The following AKT2 variants were observed in gnomAD, a reference collection of about 807,000 sequenced individuals.
AKT2 encodes AKT serine/threonine kinase 2.
Under a neutral mutation model 58.6 loss-of-function variants are expected in AKT2, and 16 were observed. That is an observed-to-expected ratio of 0.27 (90% CI 0.18 to 0.41). AKT2 has a LOEUF of 0.41. Ranked by LOEUF, AKT2 falls within the 10% of genes least tolerant of loss-of-function variation. The pLI, the probability that AKT2 is intolerant of heterozygous loss-of-function variation, is 1.00. For missense variants in AKT2, 438 were observed against 661.0 expected (o/e 0.66, Z 3.70); for synonymous variants, 253 against 254.0 (o/e 1.00, Z 0.04).
chr19:40,235,453 C>T lies in AKT2; in HGVS notation c.1176-103G>A. On this transcript the variant is annotated intron_variant, in intron 11 of 13. Transcript: ENST00000392038. This position sits in a 1 kb window ranked among gnomAD's most constrained non-coding sequence, Gnocchi z 6.3. ...CCTGTATGGCCCTTAATGATTCTGT[C>T]TTGACCACAAACCACTTCACAGAGG... 9.6e-7 allele frequency: 1 copy of T among 1,040,312 alleles called. No homozygotes were observed. Among genetic ancestry groups the T allele is most frequent in the African/African-American group, 1.6e-5 (1 of 63,818 alleles). 64.4% of individuals were successfully genotyped at this position (1,040,312 alleles called of 1,614,324 possible). A position where few individuals can be genotyped will look rare whatever the true frequency, so the allele number is the denominator to read the frequency against.
intron 1 of AKT2, among the ~76,000 whole-genome samples, chr19:40,275,774 G>GA (rs1417542425): frequency 1.1e-5 from 1 of 95,008 alleles, no homozygotes; most frequent in Non-Finnish European, 2.3e-5. Flanking sequence ...TGGGGGGGGG[G>GA]GGGGTGGGCG....
rs576140116 is a variant in AKT2, at chr19:40,263,429, A to G, written c.46+1793T>C. The stretch of plus-strand genomic sequence containing the variant: ...TGCCTACCCTTGTAGAGCTGACAAC[A>G]TCAGAGATCTGGCTTGTTAACCCAC... On this transcript the variant is annotated intron_variant, in intron 2 of 13. Transcript: ENST00000392038. Among the ~76,000 whole-genome samples the G allele has an allele frequency of 2.0e-5, 3 of 152,332 alleles. No individual in the cohort carries two copies. In the East Asian group the frequency reaches 5.8e-4, roughly 29 times the overall value.
intron 3 of AKT2, among the ~76,000 whole-genome samples, chr19:40,256,488 C>T (rs954129149): frequency 7.2e-5 from 11 of 152,204 alleles, no homozygotes; most frequent in Non-Finnish European, 1.0e-4. Flanking sequence ...GGCTGGAAGA[C>T]ATCCCTTTGG....
Position 40,242,485 on chromosome 19 carries a change from G to A in AKT2, c.441+49C>T. The A allele has an allele frequency of 6.2e-7, 1 of 1,610,054 alleles. No homozygotes were observed. Among genetic ancestry groups the A allele is most frequent in the Non-Finnish European group, 8.5e-7 (1 of 1,179,038 alleles). On this transcript the variant is annotated intron_variant, in intron 5 of 13. Coordinates refer to ENST00000392038, the MANE Select transcript of AKT2 (RefSeq NM_001626.6). This position sits in a 1 kb window ranked among gnomAD's most constrained non-coding sequence, Gnocchi z 4.3. ...CCAAGGAGAGCAGGCCAGCACTGGGGGTGGGGGCACCGCAGGCTGGCAGCC... is the reference window on the plus strand; with the variant it reads ...CCAAGGAGAGCAGGCCAGCACTGGGAGTGGGGGCACCGCAGGCTGGCAGCC...
At chr19:40,246,356 C>A (rs1974752779) in intron 4 of AKT2, among the ~76,000 whole-genome samples, 2 of 152,164 alleles carry the variant, frequency 1.3e-5, no homozygotes, top group Non-Finnish European at 2.9e-5. Context: ...GATCTCTTGA[C>A]CTCATGATCT....
rs1159220811 is a variant in AKT2, at chr19:40,234,352, A to G, written c.1367-401T>C. ...TTTAACCCTGTCCCTCTCTGTATGAAACCCTTCCATGGCTGGCTCCCGCCA... is the reference window on the plus strand; with the variant it reads ...TTTAACCCTGTCCCTCTCTGTATGAGACCCTTCCATGGCTGGCTCCCGCCA... On this transcript the variant is annotated intron_variant, in intron 13 of 13. Transcript: ENST00000392038. The surrounding 1 kb of genome is among the most constrained non-coding windows in gnomAD (Gnocchi z 4.7). The G allele has an allele frequency of 2.4e-5, 6 of 250,032 alleles. No homozygotes were observed. The highest frequency in any genetic ancestry group is 3.9e-5 in the Non-Finnish European group (5 of 129,330). 15.5% of individuals were successfully genotyped at this position (250,032 alleles called of 1,614,324 possible).
chr19:40,254,701 C>T (rs541971894), intron 4 of AKT2, among the ~76,000 whole-genome samples: 409 of 143,046 alleles, frequency 2.9e-3, no homozygotes, highest in Non-Finnish European at 4.6e-3. Context: ...TGGTGGCACA[C>T]GCCTGTAATC....
In AKT2 at chr19:40,248,532, T is replaced by C. The variant is rs181973739; in HGVS notation, c.288-5845A>G. ...GGACCTGAACAATGGCCATCCCCAG[T>C]GCCTAGAACAGGCCCTTGGCACACA... is the stretch of plus-strand genomic sequence containing the variant. On this transcript the variant is annotated intron_variant, in intron 4 of 13. Transcript: ENST00000392038. Among the ~76,000 whole-genome samples, 26 of 152,316 alleles carry C rather than the reference T, an allele frequency of 1.7e-4. No individual in the cohort carries two copies. The East Asian group carries it at 4.1e-3, about 24-fold the overall frequency.
chr19:40,269,671 CA>C (rs1333947852), intron 1 of AKT2: 1 of 152,194 alleles, frequency 6.6e-6, no homozygotes, highest in African/African-American at 2.4e-5. Context: ...ACAGTAACCC[CA>C]AACTGGTAAC....
chr19:40,259,689 T>C (rs1180448103), intron 2 of AKT2, among the ~76,000 whole-genome samples: 2 of 152,206 alleles, frequency 1.3e-5, no homozygotes, highest in African/African-American at 2.4e-5. Context: ...TAAGGGTCTA[T>C]TAACCAGAAC....
At position 40,231,325 on chromosome 19, in the gene AKT2, G is replaced by A. The variant is rs565284669; in HGVS notation, c.*2547C>T. The stretch of plus-strand genomic sequence containing the variant: ...GAGGAGCAGCAACGTGGGTCAACTC[G>A]GGGCTGGGACGAGATGGAAGAGTAA... On this transcript the variant is annotated 3_prime_UTR_variant, in exon 14 of 14. Transcript: ENST00000392038. 2 of 232,744 alleles carry A rather than the reference G, an allele frequency of 8.6e-6. No individual in the cohort carries two copies. Among genetic ancestry groups the A allele is most frequent in the East Asian group, 6.1e-5 (1 of 16,496 alleles). The allele number at this position is 232,744 out of a possible 1,614,324, so 14.4% of individuals were successfully genotyped here.
intron 7 of AKT2, 94 bp from the exon 8 acceptor site, chr19:40,239,067 A>T (rs562129839): frequency 4.5e-6 from 6 of 1,331,458 alleles, no homozygotes; most frequent in South Asian, 3.8e-5. Flanking sequence ...TATTCTGCAC[A>T]CACACACCCT....
At chr19:40,245,082 G>A (rs1420933985) in intron 4 of AKT2, among the ~76,000 whole-genome samples, 4 of 152,196 alleles carry the variant, frequency 2.6e-5, no homozygotes, top group Admixed American at 6.5e-5. Flanking sequence ...CAATGACAGC[G>A]CCTTCGATTT....
At chr19:40,265,590 C>G (rs763594008) in intron 1 of AKT2, 25 of 492,968 alleles carry the variant, frequency 5.1e-5, no homozygotes, top group Non-Finnish European at 8.4e-5. Context: ...CAGGCCAGAC[C>G]CCAAACTCAG....
In AKT2 at chr19:40,230,868, T is replaced by G. The variant is rs1208679809; in HGVS notation, c.*3004A>C. 5.3e-6 allele frequency: 1 copy of G among 187,290 alleles called. No individual in the cohort carries two copies. Among genetic ancestry groups the G allele is most frequent in the East Asian group, 8.5e-5 (1 of 11,746 alleles). The allele number at this position is 187,290 out of a possible 1,614,324, so 11.6% of individuals were successfully genotyped here. A position where few individuals can be genotyped will look rare whatever the true frequency, so the allele number is the denominator to read the frequency against. On this transcript the variant is annotated 3_prime_UTR_variant, in exon 14 of 14. Coordinates refer to ENST00000392038, the MANE Select transcript of AKT2 (RefSeq NM_001626.6). ...TCCAAGTTAGCTGGGATTGCAGGCATGCACCACCATGCCCAGCTAATTTTT... is the reference window on the plus strand; with the variant it reads ...TCCAAGTTAGCTGGGATTGCAGGCAGGCACCACCATGCCCAGCTAATTTTT...
intron 7 of AKT2, chr19:40,239,376 C>CA (rs1974239459): frequency 4.2e-6 from 1 of 240,938 alleles, no homozygotes; most frequent in Non-Finnish European, 8.2e-6. Flanking sequence ...TGTCAGTCAA[C>CA]AAACAGTAGT....
chr19:40,232,655 C>T lies in AKT2; in HGVS notation c.*1217G>A. On this transcript the variant is annotated 3_prime_UTR_variant, in exon 14 of 14. Coordinates refer to ENST00000392038, the MANE Select transcript of AKT2 (RefSeq NM_001626.6). ...CACCCCTCCCCCACAGGATGAAATG[C>T]TCGGGCCAGGGATGGGGCCCAAGCC... The T allele has an allele frequency of 4.3e-6, 1 of 233,460 alleles. No individual in the cohort carries two copies. Among genetic ancestry groups the T allele is most frequent in the Non-Finnish European group, 8.5e-6 (1 of 118,244 alleles). 14.5% of individuals were successfully genotyped at this position (233,460 alleles called of 1,614,324 possible).
At chr19:40,282,383 T>A (rs2077438941) in intron 1 of AKT2, 1 of 420,804 alleles carries the variant, frequency 2.4e-6, no homozygotes, top group East Asian at 7.1e-5. Flanking sequence ...CTAACGCAGG[T>A]CCCTGGTAGC....
intron 6 of AKT2, 58 bp downstream of exon 6, chr19:40,241,880 C>A: frequency 6.2e-7 from 1 of 1,611,538 alleles, no homozygotes; most frequent in South Asian, 1.1e-5. Context: ...GCCTCAGGGT[C>A]AGGCTCCAGA....
Sources: gnomAD v4.1 joint callset for allele counts (sites outside exome capture counted in the v4.1 genomes callset) on GRCh38, gnomAD v4.1.1 for gene constraint, Gnocchi (gnomAD v3.1) non-coding constraint, MANE v1.5 for transcripts, NCBI Gene and HGNC (gene_info 2026-07-23, HGNC 2026-07-21) for gene names.